Variants in ARMC6 observed in about 807,000 individuals in gnomAD.
ARMC6 encodes armadillo repeat-containing protein 6.
Under a neutral mutation model 49.2 loss-of-function variants are expected in ARMC6, and 43 were observed. The observed-to-expected ratio is 0.87, with a 90% CI of 0.69 to 1.13. The LOEUF is 1.13. Among genes scored for constraint, ARMC6 ranks in the 50% most tolerant of loss-of-function variants. The pLI is 0.00. For synonymous variants in ARMC6, 262 were observed against 289.6 expected (o/e 0.90, Z 0.97); for missense variants, 627 against 682.0 (o/e 0.92, Z 0.90).
intron 4 of ARMC6, among the ~76,000 whole-genome samples, chr19:19,044,763 G>C (rs1457822336): frequency 6.6e-6 from 1 of 152,176 alleles, no homozygotes; most frequent in Non-Finnish European, 1.5e-5. Flanking sequence ...TGTAGAGATG[G>C]GGACATTGAG....
intron 4 of ARMC6, among the ~76,000 whole-genome samples, chr19:19,046,571 T>C (rs2059452173): frequency 6.6e-6 from 1 of 152,086 alleles, no homozygotes; most frequent in Admixed American, 6.6e-5. Context: ...CTCAGCTCAC[T>C]GCAGCTTCCT....
In ARMC6 at chr19:19,033,842, C is replaced by A; in HGVS notation, c.-168C>A. ...AAGCCTAGGGGCGCCACAGCGCCTG[C>A]GCGCGTACGGCGGCCGGAAGGGGCT... On this transcript the variant is annotated 5_prime_UTR_variant, in exon 1 of 9. Transcript: ENST00000535612. 3.6e-6 allele frequency: 1 copy of A among 276,364 alleles called. No individual in the cohort carries two copies. 17.1% of individuals were successfully genotyped at this position (276,364 alleles called of 1,614,324 possible). A position where few individuals can be genotyped will look rare whatever the true frequency, so the allele number is the denominator to read the frequency against.
At position 19,052,321 on chromosome 19, in the gene ARMC6, T is replaced by G. The variant is rs565680469; in HGVS notation, c.853+126T>G. 1.5e-3 allele frequency: 1,298 copies of G among 870,374 alleles called. 2 individuals are homozygous for G. The highest frequency in any genetic ancestry group is 2.1e-3 in the Non-Finnish European group (1,229 of 582,284). The allele number at this position is 870,374 out of a possible 1,614,324, so 53.9% of individuals were successfully genotyped here. A position where few individuals can be genotyped will look rare whatever the true frequency, so the allele number is the denominator to read the frequency against. ...TCAAGGCTCCACTCGCCCCTCGGCTTAGACCTGCCTGCATGGCAGCCCTCG... is the reference window on the plus strand; with the variant it reads ...TCAAGGCTCCACTCGCCCCTCGGCTGAGACCTGCCTGCATGGCAGCCCTCG... On this transcript the variant is annotated intron_variant, in intron 5 of 8. Transcript: ENST00000535612.
At position 19,055,751 on chromosome 19, in the gene ARMC6, A is replaced by G. The variant is rs768753722; in HGVS notation, c.1156-40A>G. The G allele has an allele frequency of 4.7e-5, 72 of 1,530,082 alleles. No homozygotes were observed. The highest frequency in any genetic ancestry group is 6.1e-5 in the Non-Finnish European group (69 of 1,129,394). 94.8% of individuals were successfully genotyped at this position (1,530,082 alleles called of 1,614,324 possible). A position where few individuals can be genotyped will look rare whatever the true frequency, so the allele number is the denominator to read the frequency against. ...CATGGCAGGATGTTGTGGGGGGTCT[A>G]TCTGCTGCATCTCAGCCTTTCTGTG... is the stretch of plus-strand genomic sequence containing the variant. On this transcript the variant is annotated intron_variant, in intron 7 of 8. Transcript: ENST00000535612. This position sits in a 1 kb window ranked among gnomAD's most constrained non-coding sequence, Gnocchi z 5.7.
intron 2 of ARMC6, chr19:19,037,535 T>A (rs2059380639): frequency 1.5e-6 from 1 of 659,998 alleles, no homozygotes; most frequent in African/African-American, 1.9e-5. Flanking sequence ...CCTGGCTAAT[T>A]TTGGTATTTT....
At chr19:19,044,749 CCATTGTAGAGATGGGGA>C (rs1379094707) in intron 4 of ARMC6, among the ~76,000 whole-genome samples, 2 of 152,128 alleles carry the variant, frequency 1.3e-5, no homozygotes, top group Non-Finnish European at 2.9e-5. Context: ...TGGGATTTCC[CCATTGTAGAGATGGGGA>C]CATTGAGATC....
At chr19:19,045,210 A>G (rs976445553) in intron 4 of ARMC6, among the ~76,000 whole-genome samples, 3 of 152,086 alleles carry the variant, frequency 2.0e-5, no homozygotes, top group African/African-American at 7.2e-5. Context: ...ACGAAGTTTC[A>G]CTATGTTGGC....
intron 4 of ARMC6, among the ~76,000 whole-genome samples, chr19:19,050,737 G>A (rs1308886285): frequency 3.3e-5 from 5 of 152,066 alleles, no homozygotes; most frequent in Admixed American, 1.3e-4. Context: ...ATATACTTAG[G>A]TCCACAAATC....
At chr19:19,043,963 T>A (rs1237365891) in intron 3 of ARMC6, 29 bp from the exon 4 acceptor site, 1 of 1,603,322 alleles carries the variant, frequency 6.2e-7, no homozygotes, top group South Asian at 1.1e-5. Flanking sequence ...TTCTGACCCC[T>A]GTGTGCTTGC....
intron 4 of ARMC6, among the ~76,000 whole-genome samples, chr19:19,046,929 T>TTTTG (rs1555758318): frequency 7.1e-6 from 1 of 141,268 alleles, no homozygotes; most frequent in African/African-American, 2.9e-5. Context: ...GCTCACCTGT[T>TTTTG]TTTTTTTTTT....
chr19:19,035,959 T>G (rs1298047816), intron 2 of ARMC6, among the ~76,000 whole-genome samples: 2 of 152,172 alleles, frequency 1.3e-5, no homozygotes, highest in Non-Finnish European at 2.9e-5. Flanking sequence ...GAGTCTTTGG[T>G]CAGCCTTTCA....
intron 2 of ARMC6, among the ~76,000 whole-genome samples, chr19:19,036,831 C>G (rs912675209): frequency 7.9e-5 from 12 of 152,194 alleles, no homozygotes; most frequent in Admixed American, 6.5e-4. Context: ...CTGAATTTTT[C>G]ACTACTGCCC....
At position 19,046,931 on chromosome 19, in the gene ARMC6, T is replaced by TTTTG. The variant is rs1555758329; in HGVS notation, c.279+2860_279+2861insGTTT. On this transcript the variant is annotated intron_variant, in intron 4 of 8. Transcript: ENST00000535612. ...TGTGAGCCAACATGCTCACCTGTTTTTTTTTTTTTTTCTTTTTCTATTTCT... is the reference window on the plus strand; with the variant it reads ...TGTGAGCCAACATGCTCACCTGTTTTTTTGTTTTTTTTTTTCTTTTTCTATTTCT... 4.5e-4 allele frequency among the ~76,000 whole-genome samples: 67 copies of TTTTG among 148,354 alleles called. 1 individual carries two copies. The highest frequency in any genetic ancestry group is 8.3e-4 in the Non-Finnish European group (56 of 67,074).
intron 6 of ARMC6, among the ~76,000 whole-genome samples, chr19:19,054,979 C>T (rs992446257): frequency 6.6e-6 from 1 of 152,226 alleles, no homozygotes; most frequent in Non-Finnish European, 1.5e-5. Context: ...TTAGCGCCTA[C>T]CCTGGGTCTG....
intron 4 of ARMC6, among the ~76,000 whole-genome samples, chr19:19,044,508 G>A (rs2059433623): frequency 6.6e-6 from 1 of 152,220 alleles, no homozygotes; most frequent in South Asian, 2.1e-4. Flanking sequence ...TGAAGTAGGT[G>A]GTGTCATTCC....
rs780945141 is a variant in ARMC6, at chr19:19,054,251, G to T, written c.953G>T (p.Gly318Val). The change falls in exon 6 of 9, where the codon GGC (glycine) becomes GTC (valine). Residue 318 changes from glycine (G) to valine (V), a missense_variant. Physicochemically the swap from Gly to Val is moderately radical, Grantham distance 109. Coordinates refer to ENST00000535612, the MANE Select transcript of ARMC6 (RefSeq NM_001199196.2). ...TGCCAGGAGGTCGTCGACCTCGGGG[G>T]CCTGAGCATTCTGGTGTCCCTGCTA... The part of the protein sequence containing the change: ...EFCQEVVDLG[G>V]LSILVSLLAD... 6.2e-7 allele frequency: 1 copy of T among 1,611,954 alleles called. No homozygotes were observed. Among genetic ancestry groups the T allele is most frequent in the South Asian group, 1.1e-5 (1 of 90,824 alleles).
In ARMC6 at chr19:19,055,221, A is replaced by G. The variant is rs763081987; in HGVS notation, c.1024-44A>G. The G allele has an allele frequency of 3.3e-6, 5 of 1,536,974 alleles. No individual in the cohort carries two copies. Among genetic ancestry groups the G allele is most frequent in the Non-Finnish European group, 4.4e-6 (5 of 1,142,098 alleles). ...TTCTCCCTCAGAGCCCTCTCCCACA[A>G]CCAGCGGCCTGGCTGGAGGTGAGCG... On this transcript the variant is annotated intron_variant, in intron 6 of 8. Coordinates refer to ENST00000535612, the MANE Select transcript of ARMC6 (RefSeq NM_001199196.2). The surrounding 1 kb of genome is among the most constrained non-coding windows in gnomAD (Gnocchi z 5.7).
At chr19:19,040,182 T>A (rs1157057649) in intron 2 of ARMC6, among the ~76,000 whole-genome samples, 1 of 152,160 alleles carries the variant, frequency 6.6e-6, no homozygotes, top group Admixed American at 6.5e-5. Context: ...CATTTTGTTC[T>A]TGTTCAGGAG....
At position 19,051,708 on chromosome 19, in the gene ARMC6, AC is replaced by A. The variant is rs750328939; in HGVS notation, c.367del (p.Gln123ArgfsTer43). The A allele has an allele frequency of 6.2e-6, 10 of 1,613,834 alleles. No individual in the cohort carries two copies. The South Asian group carries it at 1.1e-4, about 18-fold the overall frequency. The part of the protein sequence containing the change: ...YLTRFCDQCK[Q>X]DKACRFLAAQ... ...TCACCCGCTTCTGCGACCAGTGCAA[AC>A]AGGACAAGGCCTGCCGCTTCCTCGC... On this transcript the variant is annotated frameshift_variant, in exon 5 of 9. Transcript: ENST00000535612. LOFTEE classifies it high-confidence loss of function.
Sources: allele counts gnomAD v4.1 joint callset (sites outside exome capture counted in the v4.1 genomes callset), GRCh38; gene constraint gnomAD v4.1.1; non-coding constraint Gnocchi (gnomAD v3.1); transcripts MANE v1.5; gene names NCBI Gene and HGNC (gene_info 2026-07-23, HGNC 2026-07-21).